INTS3: variants seen among roughly 807,000 people sequenced by gnomAD.
INTS3 encodes the protein integrator complex subunit 3.
INTS3 carries 34 observed loss-of-function variants against 146.3 expected under a neutral mutation model. The ratio of observed to expected loss-of-function variants is 0.23; its 90% confidence interval spans 0.18 to 0.31. The LOEUF is 0.31. INTS3 is among the 10% of genes least tolerant of loss of function. The probability of loss-of-function intolerance (pLI) is 1.00; values close to 1 mark genes in which losing one functional copy is unlikely to be tolerated. For missense variants in INTS3, 757 were observed against 1,304.2 expected, an observed-to-expected ratio of 0.58 and a Z score of 6.46; for synonymous variants, 475 against 494.9, an observed-to-expected ratio of 0.96 and a Z score of 0.53.
At position 153,770,693 on chromosome 1, in the gene INTS3, G is replaced by A; in HGVS notation, c.2512G>A (p.Glu838Lys). ...CTGCCCTTCCCTCACAGAGCACCCA[G>A]AGGCCCTGTCCTGCCTACTGCTTCA... ...LQHLKYKEHP[E>K]ALSCLLLQLR... Residue 838 changes from glutamate (E) to lysine (K), a missense_variant, in exon 25 of 30, where the codon GAG (glutamate) becomes AAG (lysine). Coordinates refer to ENST00000318967, the MANE Select transcript of INTS3 (RefSeq NM_023015.5). 6.2e-7 allele frequency: 1 copy of A among 1,613,866 alleles called. No homozygotes were observed. The highest frequency in any genetic ancestry group is 8.5e-7 in the Non-Finnish European group (1 of 1,179,786).
chr1:153,731,416 A>C (rs1671055409), intron 1 of INTS3, among the ~76,000 whole-genome samples: 1 of 151,904 alleles, frequency 6.6e-6, no homozygotes, highest in South Asian at 2.1e-4. Flanking sequence ...TTCCCATCCC[A>C]ATTTGGGGAG....
At chr1:153,756,627 C>T (rs938763977) in intron 9 of INTS3, among the ~76,000 whole-genome samples, 13 of 151,812 alleles carry the variant, frequency 8.6e-5, no homozygotes, top group Admixed American at 5.2e-4. Flanking sequence ...ACCAGCCTGA[C>T]CAACATGGTG....
chr1:153,754,825 C>T (rs1672101347), intron 9 of INTS3, 86 bp downstream of exon 9: 1 of 866,816 alleles, frequency 1.2e-6, no homozygotes, highest in South Asian at 1.3e-5. Flanking sequence ...CCATTGTTTA[C>T]TAACCAGTAG....
intron 9 of INTS3, among the ~76,000 whole-genome samples, chr1:153,756,377 A>C (rs1375160305): frequency 6.6e-6 from 1 of 151,822 alleles, no homozygotes; most frequent in Admixed American, 6.6e-5. Context: ...ACAACAACAA[A>C]AAAATTCAGA....
chr1:153,749,423 G>A (rs557356481), intron 6 of INTS3, among the ~76,000 whole-genome samples: 1 of 152,188 alleles, frequency 6.6e-6, no homozygotes, highest in Non-Finnish European at 1.5e-5. Context: ...TCTCTTTTCT[G>A]ATTGAGGACA....
At chr1:153,762,426 A>C (rs1469889155) in intron 14 of INTS3, among the ~76,000 whole-genome samples, 3 of 152,240 alleles carry the variant, frequency 2.0e-5, no homozygotes, top group Admixed American at 6.5e-5. Flanking sequence ...CCCAGGCGAC[A>C]AGAGTGAGAC....
At chr1:153,751,292 C>T (rs1023397073) in intron 7 of INTS3, 53 bp downstream of exon 7, 2 of 1,581,324 alleles carry the variant, frequency 1.3e-6, no homozygotes, top group African/African-American at 1.3e-5. Flanking sequence ...GGCTAAGATA[C>T]CTCTGGAGGT....
intron 6 of INTS3, among the ~76,000 whole-genome samples, chr1:153,749,264 G>C (rs1040901100): frequency 8.5e-5 from 13 of 152,112 alleles, no homozygotes; most frequent in Non-Finnish European, 1.6e-4. Flanking sequence ...GGTGCATCAG[G>C]GGGTACATAT....
chr1:153,766,687 A>ATTTTTT (rs60442057), intron 20 of INTS3: 1 of 123,610 alleles, frequency 8.1e-6, no homozygotes, highest in Non-Finnish European at 1.7e-5. Flanking sequence ...GACTTTTAAG[A>ATTTTTT]TTTTTTTTTT....
intron 9 of INTS3, among the ~76,000 whole-genome samples, chr1:153,755,117 C>CA (rs1040251726): frequency 2.0e-5 from 3 of 152,150 alleles, no homozygotes; most frequent in African/African-American, 7.2e-5. Context: ...CCAGGAGAAC[C>CA]ATGAGGTCTC....
intron 1 of INTS3, among the ~76,000 whole-genome samples, chr1:153,738,180 C>G (rs1671373623): frequency 6.6e-6 from 1 of 151,988 alleles, no homozygotes; most frequent in Admixed American, 6.5e-5. Context: ...CTCACTATAG[C>G]CTTGCCCTCC....
intron 18 of INTS3, 32 bp from the exon 19 acceptor site, chr1:153,764,658 A>G (rs764246711): frequency 4.5e-6 from 7 of 1,556,258 alleles, no homozygotes; most frequent in African/African-American, 2.7e-5. Flanking sequence ...CCCCCCTCAC[A>G]TGGATTCTCA....
intron 19 of INTS3, 101 bp from the exon 20 acceptor site, chr1:153,764,843 A>T: frequency 6.5e-7 from 1 of 1,549,124 alleles, no homozygotes; most frequent in South Asian, 1.1e-5. Flanking sequence ...GGAGGAGGAC[A>T]TATGCTGTGG....
In INTS3 at chr1:153,761,207, T is replaced by G. The variant is rs1047808768; in HGVS notation, c.1409+289T>G. The G allele has an allele frequency of 4.7e-6, 3 of 637,612 alleles. No homozygotes were observed. The African/African-American group carries it at 5.6e-5, about 12-fold the overall frequency. 39.5% of individuals were successfully genotyped at this position (637,612 alleles called of 1,614,324 possible). A position where few individuals can be genotyped will look rare whatever the true frequency, so the allele number is the denominator to read the frequency against. ...GCTTAGACCTATCTCAACTCCATGT[T>G]GAGTTAGAAATGAGAAGCTCTGGCC... is the stretch of plus-strand genomic sequence containing the variant. On this transcript the variant is annotated intron_variant, in intron 13 of 29. Coordinates refer to ENST00000318967, the MANE Select transcript of INTS3 (RefSeq NM_023015.5).
In INTS3 at chr1:153,751,076, G is replaced by C; in HGVS notation, c.585-19G>C. On this transcript the variant is annotated intron_variant, in intron 6 of 29. Coordinates refer to ENST00000318967, the MANE Select transcript of INTS3 (RefSeq NM_023015.5). Reference sequence around the variant, plus strand: ...AGTTCTAGACAGAGCATAGGAGCCAGTGTGTTTCCTCCCTGCAGGGAGTGG... The same window carrying C: ...AGTTCTAGACAGAGCATAGGAGCCACTGTGTTTCCTCCCTGCAGGGAGTGG... 2 of 1,613,630 alleles carry C rather than the reference G, an allele frequency of 1.2e-6. No homozygotes were observed. The highest frequency in any genetic ancestry group is 1.7e-6 in the Non-Finnish European group (2 of 1,179,604).
intron 6 of INTS3, among the ~76,000 whole-genome samples, chr1:153,750,664 C>T (rs1379182539): frequency 2.0e-5 from 3 of 152,200 alleles, no homozygotes; most frequent in Non-Finnish European, 4.4e-5. Flanking sequence ...GAACCACTGA[C>T]TTAGGGACAC....
intron 20 of INTS3, chr1:153,766,753 G>A (rs1479370363): frequency 6.8e-6 from 1 of 147,466 alleles, no homozygotes; most frequent in Non-Finnish European, 1.5e-5. Flanking sequence ...GCAGTGGCGC[G>A]AGCTCCACTC....
At position 153,768,940 on chromosome 1, in the gene INTS3, G is replaced by T; in HGVS notation, c.2292G>T (p.Val764=). 1 of 1,613,966 alleles carries T rather than the reference G, an allele frequency of 6.2e-7. No individual in the cohort carries two copies. Among genetic ancestry groups the T allele is most frequent in the Non-Finnish European group, 8.5e-7 (1 of 1,179,910 alleles). The change falls in exon 22 of 30, where the codon GTG becomes GTT. Residue 764 remains valine (V), a synonymous_variant. Coordinates refer to ENST00000318967, the MANE Select transcript of INTS3 (RefSeq NM_023015.5). ...GCGGAGAGCTGCTGAACATGATCGT[G>T]GCTGTTATTGACTCTGCACAGGTGA... ...LRSGELLNMI[V]AVIDSAQLQE...
Position 153,748,809 on chromosome 1 carries a change from G to A in INTS3, c.584+54G>A. 2.2e-6 allele frequency: 3 copies of A among 1,387,538 alleles called. No homozygotes were observed. In the South Asian group the frequency reaches 3.5e-5, roughly 16 times the overall value. 86.0% of individuals were successfully genotyped at this position (1,387,538 alleles called of 1,614,324 possible). On this transcript the variant is annotated intron_variant, in intron 6 of 29. Coordinates refer to ENST00000318967, the MANE Select transcript of INTS3 (RefSeq NM_023015.5). ...AGGCCAGATAATGGCCATTAGGAGTGTGGGTGTGGGAAATGGGGATGAAAG... is the reference window on the plus strand; with the variant it reads ...AGGCCAGATAATGGCCATTAGGAGTATGGGTGTGGGAAATGGGGATGAAAG...
Sources: allele counts gnomAD v4.1 joint callset (sites outside exome capture counted in the v4.1 genomes callset), GRCh38; gene constraint gnomAD v4.1.1; transcripts MANE v1.5; gene names NCBI Gene and HGNC (gene_info 2026-07-23, HGNC 2026-07-21).